Variants in MBNL1 observed in about 807,000 individuals in gnomAD.
MBNL1 encodes muscleblind-like protein 1.
In MBNL1, 8 loss-of-function variants were observed where a neutral mutation model predicts 42.2. The observed-to-expected ratio is 0.19, with a 90% CI of 0.11 to 0.34. The LOEUF (loss-of-function observed/expected upper bound fraction) is 0.34. Among genes scored for constraint, MBNL1 ranks in the 10% least tolerant of loss-of-function variants. The probability of loss-of-function intolerance (pLI) is 1.00; values close to 1 mark genes in which losing one functional copy is unlikely to be tolerated. For missense variants in MBNL1, 309 were observed against 495.3 expected, an observed-to-expected ratio of 0.62 and a Z score of 3.57; for synonymous variants, 169 against 173.9, an observed-to-expected ratio of 0.97 and a Z score of 0.22.
intron 2 of MBNL1, among the ~76,000 whole-genome samples, chr3:152,406,336 G>T (rs2098425841): frequency 6.6e-6 from 1 of 152,140 alleles, no homozygotes; most frequent in Non-Finnish European, 1.5e-5. Flanking sequence ...AGCCTTATAG[G>T]CCCACTCTGA....
At chr3:152,405,316 T>C (rs950085667) in intron 2 of MBNL1, among the ~76,000 whole-genome samples, 1 of 152,222 alleles carries the variant, frequency 6.6e-6, no homozygotes, top group Non-Finnish European at 1.5e-5. Context: ...TCACTTGTTT[T>C]GTCGTACTTA....
intron 2 of MBNL1, among the ~76,000 whole-genome samples, chr3:152,384,799 G>A (rs1387573908): frequency 6.6e-6 from 1 of 152,084 alleles, no homozygotes; most frequent in African/African-American, 2.4e-5. Flanking sequence ...GCTTTGAAAT[G>A]TTCACTTTTA....
At chr3:152,400,442 T>C (rs952511573) in intron 2 of MBNL1, among the ~76,000 whole-genome samples, 3 of 152,192 alleles carry the variant, frequency 2.0e-5, no homozygotes, top group Non-Finnish European at 2.9e-5. Context: ...GAAAACTAAA[T>C]TGTATAGAAT....
At chr3:152,256,062 G>C (rs543283172) in intron 2 of MBNL1, among the ~76,000 whole-genome samples, 1 of 152,302 alleles carries the variant, frequency 6.6e-6, no homozygotes, top group Non-Finnish European at 1.5e-5. Flanking sequence ...GGACGTGCAC[G>C]TGTCTTAATT....
chr3:152,448,537 A>G (rs950114915), intron 6 of MBNL1, among the ~76,000 whole-genome samples: 1 of 152,198 alleles, frequency 6.6e-6, no homozygotes, highest in African/African-American at 2.4e-5. Flanking sequence ...CTGGAATTTT[A>G]CTAACCAGAA....
intron 2 of MBNL1, among the ~76,000 whole-genome samples, chr3:152,361,942 A>T (rs945821438): frequency 2.0e-5 from 3 of 152,196 alleles, no homozygotes; most frequent in African/African-American, 7.2e-5. Context: ...TTAAAATTTT[A>T]AAAATGTGTT....
intron 2 of MBNL1, among the ~76,000 whole-genome samples, chr3:152,399,268 T>G (rs1340199501): frequency 6.6e-6 from 1 of 152,172 alleles, no homozygotes; most frequent in Admixed American, 6.5e-5. Flanking sequence ...TTGCCTTGCC[T>G]TCTTCTTCCT....
chr3:152,260,268 G>A (rs554212823), intron 2 of MBNL1, among the ~76,000 whole-genome samples: 22 of 152,140 alleles, frequency 1.4e-4, no homozygotes, highest in Non-Finnish European at 2.6e-4. Context: ...ATGGAATCAG[G>A]CCCTGTCAGC....
At chr3:152,269,357 T>G (rs1278110222) in intron 1 of MBNL1, 1 of 352,362 alleles carries the variant, frequency 2.8e-6, no homozygotes, top group African/African-American at 2.2e-5. Context: ...GCGCACGGCT[T>G]GGCAGCCCAG....
chr3:152,444,286 A>G (rs1332700329), intron 4 of MBNL1, among the ~76,000 whole-genome samples: 1 of 152,188 alleles, frequency 6.6e-6, no homozygotes, highest in Non-Finnish European at 1.5e-5. Context: ...AGTAAGAGTC[A>G]AAATTGCGCA....
At chr3:152,297,463 A>T (rs1577345512) in intron 1 of MBNL1, among the ~76,000 whole-genome samples, 1 of 148,904 alleles carries the variant, frequency 6.7e-6, no homozygotes, top group East Asian at 2.0e-4. Flanking sequence ...CAGGAGAATC[A>T]CCCAGCCTCC....
At chr3:152,384,463 G>A (rs2097323438) in intron 2 of MBNL1, among the ~76,000 whole-genome samples, 1 of 152,088 alleles carries the variant, frequency 6.6e-6, no homozygotes, top group African/African-American at 2.4e-5. Context: ...AGTTACATTT[G>A]TAAAAAATCA....
chr3:152,374,715 A>G (rs536438866), intron 2 of MBNL1, among the ~76,000 whole-genome samples: 5 of 152,332 alleles, frequency 3.3e-5, no homozygotes, highest in South Asian at 4.1e-4. Flanking sequence ...GTAAAAATAA[A>G]TGGAAAAGTA....
chr3:152,386,777 AAAAC>A (rs1203554949), intron 2 of MBNL1, among the ~76,000 whole-genome samples: 1 of 152,128 alleles, frequency 6.6e-6, no homozygotes, highest in African/African-American at 2.4e-5. Flanking sequence ...AAGTTTGAAA[AAAAC>A]ACTAAAATCC....
intron 3 of MBNL1, among the ~76,000 whole-genome samples, chr3:152,426,925 C>T (rs773524918): frequency 5.3e-5 from 8 of 152,250 alleles, no homozygotes; most frequent in Non-Finnish European, 1.2e-4. Flanking sequence ...TGTTGCCATT[C>T]AGATGCAGAA....
At chr3:152,444,911 A>G (rs1300446488) in intron 4 of MBNL1, among the ~76,000 whole-genome samples, 2 of 152,198 alleles carry the variant, frequency 1.3e-5, no homozygotes, top group African/African-American at 4.8e-5. Flanking sequence ...TAGATACACA[A>G]CATCATTATG....
chr3:152,282,115 T>A (rs1309143000), intron 1 of MBNL1, among the ~76,000 whole-genome samples: 1 of 152,164 alleles, frequency 6.6e-6, no homozygotes, highest in Non-Finnish European at 1.5e-5. Context: ...ACAAATTTGC[T>A]CTGAAATATT....
At chr3:152,401,714 G>C (rs1011143064) in intron 2 of MBNL1, among the ~76,000 whole-genome samples, 1 of 152,088 alleles carries the variant, frequency 6.6e-6, no homozygotes, top group South Asian at 2.1e-4. Context: ...AAGAGGCTTC[G>C]TTTGGGTTAA....
chr3:152,324,059 A>G (rs1177357559), intron 2 of MBNL1, among the ~76,000 whole-genome samples: 1 of 152,114 alleles, frequency 6.6e-6, no homozygotes. Context: ...TTCATTTTCA[A>G]CTTCTCTAGT....
Sources: gnomAD v4.1 joint callset for allele counts (sites outside exome capture counted in the v4.1 genomes callset) on GRCh38, gnomAD v4.1.1 for gene constraint, MANE v1.5 for transcripts, NCBI Gene and HGNC (gene_info 2026-07-23, HGNC 2026-07-21) for gene names.